Variants in SHCBP1L observed in about 807,000 individuals in gnomAD.
SHCBP1L encodes the protein testicular spindle-associated protein SHCBP1L.
Under a neutral mutation model 62.5 loss-of-function variants are expected in SHCBP1L, and 67 were observed. The ratio of observed to expected loss-of-function variants is 1.07; its 90% confidence interval spans 0.88 to 1.31. The LOEUF (loss-of-function observed/expected upper bound fraction) is 1.31, where lower values mean the gene tolerates loss of function less well. Ranked by LOEUF, SHCBP1L falls within the 40% of genes most tolerant of loss-of-function variation. SHCBP1L has a pLI of 0.00. For synonymous variants in SHCBP1L, 284 were observed against 289.4 expected (o/e 0.98, Z 0.19); for missense variants, 823 against 809.8 (o/e 1.02, Z -0.20).
chr1:182,939,045 G>A (rs966484825), intron 5 of SHCBP1L, 131 bp downstream of exon 5: 4 of 672,432 alleles, frequency 5.9e-6, no homozygotes, highest in African/African-American at 1.8e-5. Flanking sequence ...TGTACCTTGT[G>A]CTTACCTCAT....
intron 2 of SHCBP1L, among the ~76,000 whole-genome samples, chr1:182,945,982 C>T (rs1651554033): frequency 6.6e-6 from 1 of 151,452 alleles, no homozygotes; most frequent in Non-Finnish European, 1.5e-5. Context: ...ATTGCTTGAG[C>T]CTGGGAAGTG....
chr1:182,925,252 G>C (rs1018337339), intron 6 of SHCBP1L, among the ~76,000 whole-genome samples: 3 of 152,162 alleles, frequency 2.0e-5, no homozygotes, highest in African/African-American at 7.2e-5. Flanking sequence ...AAAGCCTAAG[G>C]AATGGGGGGT....
intron 2 of SHCBP1L, among the ~76,000 whole-genome samples, chr1:182,946,365 T>C (rs1008082095): frequency 6.6e-6 from 1 of 152,012 alleles, no homozygotes; most frequent in Non-Finnish European, 1.5e-5. Flanking sequence ...CACTGGTTGA[T>C]CCACCCAGGC....
intron 8 of SHCBP1L, 83 bp downstream of exon 8, chr1:182,904,097 G>A (rs1012076926): frequency 3.2e-5 from 47 of 1,481,460 alleles, no homozygotes; most frequent in Non-Finnish European, 4.0e-5. Context: ...TGAAGAAATT[G>A]CTACCCTTTA....
chr1:182,917,396 GC>G (rs1446004080), intron 6 of SHCBP1L, among the ~76,000 whole-genome samples: 1 of 152,074 alleles, frequency 6.6e-6, no homozygotes, highest in East Asian at 1.9e-4. Context: ...TGCAGAAAAA[GC>G]TATGCCCAGC....
chr1:182,934,093 C>T (rs1651093266), intron 5 of SHCBP1L, among the ~76,000 whole-genome samples: 1 of 152,026 alleles, frequency 6.6e-6, no homozygotes, highest in Admixed American at 6.6e-5. Flanking sequence ...TTCATTTATT[C>T]TTGGTTATCT....
rs752891380 is a variant in SHCBP1L, at chr1:182,951,909, CTT to C, written c.406-444_406-443del. On this transcript the variant is annotated intron_variant, in intron 1 of 9. Coordinates refer to ENST00000367547, the MANE Select transcript of SHCBP1L (RefSeq NM_030933.4). ...GTGGCTCATGCCTGTAATCCCAACACTTTGGGAGGCCGAAGCGGGCAGATTAC... is the reference window on the plus strand; with the variant it reads ...GTGGCTCATGCCTGTAATCCCAACACTGGGAGGCCGAAGCGGGCAGATTAC... The C allele has an allele frequency of 8.4e-6, 3 of 356,178 alleles. No individual in the cohort carries two copies. The East Asian group carries it at 3.9e-4, about 46-fold the overall frequency. 22.1% of individuals were successfully genotyped at this position (356,178 alleles called of 1,614,324 possible).
Position 182,929,864 on chromosome 1 carries a change from A to G in SHCBP1L, c.1077-112T>C, listed in dbSNP as rs146789304. The G allele has an allele frequency of 9.5e-4, 658 of 690,714 alleles. 8 individuals are homozygous for G. The African/African-American group carries it at 0.011, about 12-fold the overall frequency. 42.8% of individuals were successfully genotyped at this position (690,714 alleles called of 1,614,324 possible). Reference sequence around the variant, plus strand: ...GCATCTTTGAGAAATGTTTTCATCAATTATAAGTTCCTTGAGAGCAATGAG... The same window carrying G: ...GCATCTTTGAGAAATGTTTTCATCAGTTATAAGTTCCTTGAGAGCAATGAG... On this transcript the variant is annotated intron_variant, in intron 5 of 9. Coordinates refer to ENST00000367547, the MANE Select transcript of SHCBP1L (RefSeq NM_030933.4).
intron 8 of SHCBP1L, among the ~76,000 whole-genome samples, chr1:182,903,655 T>G (rs983104455): frequency 6.6e-6 from 1 of 151,302 alleles, no homozygotes; most frequent in Admixed American, 6.6e-5. Context: ...GCTCTTAATT[T>G]TTAATTATTT....
At chr1:182,938,482 A>T (rs190955066) in intron 5 of SHCBP1L, among the ~76,000 whole-genome samples, 6 of 146,948 alleles carry the variant, frequency 4.1e-5, no homozygotes, top group African/African-American at 1.5e-4. Flanking sequence ...CAACAAAGAG[A>T]CAGGGTCTCG....
At position 182,951,312 on chromosome 1, in the gene SHCBP1L, A is replaced by G. The variant is rs764389591; in HGVS notation, c.555+6T>C. 1.3e-6 allele frequency: 2 copies of G among 1,528,336 alleles called. No individual in the cohort carries two copies. Among genetic ancestry groups the G allele is most frequent in the East Asian group, 2.3e-5 (1 of 43,938 alleles). The allele number at this position is 1,528,336 out of a possible 1,614,324, so 94.7% of individuals were successfully genotyped here. On this transcript the variant is annotated splice_donor_region_variant and intron_variant, in intron 2 of 9. Transcript: ENST00000367547. ...AAAGAACAAAGATCAAATAAAATTTATTTACCTCAACCAATATACCAACAA... is the reference window on the plus strand; with the variant it reads ...AAAGAACAAAGATCAAATAAAATTTGTTTACCTCAACCAATATACCAACAA...
At chr1:182,941,478 A>C (rs777750089) in intron 2 of SHCBP1L, among the ~76,000 whole-genome samples, 6 of 152,176 alleles carry the variant, frequency 3.9e-5, no homozygotes, top group Non-Finnish European at 5.9e-5. Context: ...TTAAGAGGCT[A>C]TAAAGTACCA....
intron 6 of SHCBP1L, among the ~76,000 whole-genome samples, chr1:182,906,693 A>G (rs940617490): frequency 2.0e-5 from 3 of 152,094 alleles, no homozygotes; most frequent in Non-Finnish European, 4.4e-5. Flanking sequence ...CGGCCTCCCA[A>G]AGTGCATGAG....
chr1:182,945,682 G>C (rs1651543573), intron 2 of SHCBP1L, among the ~76,000 whole-genome samples: 1 of 152,164 alleles, frequency 6.6e-6, no homozygotes, highest in African/African-American at 2.4e-5. Context: ...GTGTGCCTAG[G>C]TATAAAATTA....
chr1:182,930,753 T>C (rs1650972721), intron 5 of SHCBP1L, among the ~76,000 whole-genome samples: 1 of 108,370 alleles, frequency 9.2e-6, no homozygotes, highest in South Asian at 3.2e-4. Flanking sequence ...TTTTTTTTTA[T>C]TAAAGACAGG....
In SHCBP1L at chr1:182,942,531, A is replaced by G. The variant is rs1228461968; in HGVS notation, c.556-1988T>C. The G allele has an allele frequency of 1.1e-5, 6 of 558,876 alleles. No homozygotes were observed. The South Asian group carries it at 1.2e-4, about 11-fold the overall frequency. The allele number at this position is 558,876 out of a possible 1,614,324, so 34.6% of individuals were successfully genotyped here. A position where few individuals can be genotyped will look rare whatever the true frequency, so the allele number is the denominator to read the frequency against. ...GAGCTACTGAGACCCACCAAGAGTA[A>G]AATTCTTAAGTTGATTTAGCTTCAT... On this transcript the variant is annotated intron_variant, in intron 2 of 9. Coordinates refer to ENST00000367547, the MANE Select transcript of SHCBP1L (RefSeq NM_030933.4).
intron 2 of SHCBP1L, among the ~76,000 whole-genome samples, chr1:182,949,525 C>T (rs1226060200): frequency 6.6e-6 from 1 of 151,726 alleles, no homozygotes; most frequent in African/African-American, 2.4e-5. Flanking sequence ...AGTGAAATCC[C>T]GTTTTTACTA....
chr1:182,933,495 A>T (rs1048701534), intron 5 of SHCBP1L, among the ~76,000 whole-genome samples: 7 of 152,160 alleles, frequency 4.6e-5, no homozygotes, highest in Non-Finnish European at 8.8e-5. Context: ...AGCCTTAAAC[A>T]GGTTGAGGAA....
intron 6 of SHCBP1L, among the ~76,000 whole-genome samples, chr1:182,912,084 T>C (rs1422212967): frequency 6.6e-6 from 1 of 152,228 alleles, no homozygotes; most frequent in Non-Finnish European, 1.5e-5. Context: ...TCCTTTCACC[T>C]GCCCCAGGGC....
Sources: gnomAD v4.1 joint callset for allele counts (sites outside exome capture counted in the v4.1 genomes callset) on GRCh38, gnomAD v4.1.1 for gene constraint, MANE v1.5 for transcripts, NCBI Gene and HGNC (gene_info 2026-07-23, HGNC 2026-07-21) for gene names.